Variants in PPP1R13B observed in about 807,000 individuals in gnomAD.
PPP1R13B encodes apoptosis-stimulating of p53 protein 1.
A neutral mutation model predicts 119.8 loss-of-function variants in PPP1R13B; 44 were observed. The observed-to-expected ratio is 0.37, with a 90% CI of 0.29 to 0.47. PPP1R13B has a LOEUF of 0.47. PPP1R13B is among the 20% of genes least tolerant of loss of function. The probability of loss-of-function intolerance (pLI) is 0.99; values close to 1 mark genes in which losing one functional copy is unlikely to be tolerated. For synonymous variants in PPP1R13B, 542 were observed against 561.5 expected (o/e 0.97, Z 0.49); for missense variants, 1,227 against 1,413.5 (o/e 0.87, Z 2.12).
At position 103,821,796 on chromosome 14, in the gene PPP1R13B, G is replaced by C. The variant is rs139496829; in HGVS notation, c.10-24278C>G. Among the ~76,000 whole-genome samples, 863 of 151,886 alleles carry C rather than the reference G, an allele frequency of 5.7e-3. 9 individuals are homozygous for C. Among genetic ancestry groups the C allele is most frequent in the African/African-American group, 0.02 (820 of 41,496 alleles). On this transcript the variant is annotated intron_variant, in intron 1 of 16. Transcript: ENST00000202556. ...ATAAATAAATAAATAAAGAGGAGCTGACCACAAAATAGATCTATAATATGA... is the reference window on the plus strand; with the variant it reads ...ATAAATAAATAAATAAAGAGGAGCTCACCACAAAATAGATCTATAATATGA...
chr14:103,773,774 ATATT>A (rs1244810119), intron 4 of PPP1R13B, among the ~76,000 whole-genome samples: 24 of 152,212 alleles, frequency 1.6e-4, no homozygotes, highest in Non-Finnish European at 3.2e-4. Flanking sequence ...TGAGTGAACA[ATATT>A]TAAGAGGCAG....
intron 1 of PPP1R13B, among the ~76,000 whole-genome samples, chr14:103,807,428 T>C (rs2086042748): frequency 1.3e-5 from 2 of 152,228 alleles, no homozygotes; most frequent in Non-Finnish European, 2.9e-5. Flanking sequence ...TTACCTGCTG[T>C]GTCAGTAGTG....
In PPP1R13B at chr14:103,753,120, A is replaced by G; in HGVS notation, c.708T>C (p.Asp236=). 1 of 1,613,882 alleles carries G rather than the reference A, an allele frequency of 6.2e-7. No homozygotes were observed. The highest frequency in any genetic ancestry group is 8.5e-7 in the Non-Finnish European group (1 of 1,180,040). Reference sequence around the variant, plus strand: ...AATCTTCCAATTGCTGACTAAGCTGATCAACCCTTAAAATTGCAGTCTGTA... The same window carrying G: ...AATCTTCCAATTGCTGACTAAGCTGGTCAACCCTTAAAATTGCAGTCTGTA... ...QEVQTAILRV[D]QLSQQLEDLK... The change falls in exon 7 of 17, where the codon GAT becomes GAC. Residue 236 remains aspartate (D), a synonymous_variant. Transcript: ENST00000202556.
intron 1 of PPP1R13B, among the ~76,000 whole-genome samples, chr14:103,841,281 G>A (rs529218444): frequency 2.4e-4 from 36 of 151,430 alleles, no homozygotes; most frequent in African/African-American, 8.7e-4. Flanking sequence ...GCGAAACTCT[G>A]TCTCAAAAAA....
intron 1 of PPP1R13B, among the ~76,000 whole-genome samples, chr14:103,798,475 A>C (rs957914928): frequency 6.6e-6 from 1 of 151,894 alleles, no homozygotes; most frequent in African/African-American, 2.4e-5. Context: ...AATCCAGAAA[A>C]ACAAGGTAGG....
At chr14:103,841,404 G>GCTGTCATAAAAGATGCTT (rs2086905151) in intron 1 of PPP1R13B, among the ~76,000 whole-genome samples, 1 of 150,694 alleles carries the variant, frequency 6.6e-6, no homozygotes, top group East Asian at 2.0e-4. Flanking sequence ...CCTGGCCAAC[G>GCTGTCATAAAAGATGCTT]CGGTGAAACT....
chr14:103,774,865 T>A (rs867089028), intron 4 of PPP1R13B, among the ~76,000 whole-genome samples: 8 of 152,206 alleles, frequency 5.3e-5, no homozygotes, highest in African/African-American at 1.7e-4. Context: ...AAGGTAGATG[T>A]GTAAGCCATA....
chr14:103,844,727 A>C (rs1159595361), intron 1 of PPP1R13B, among the ~76,000 whole-genome samples: 1 of 152,128 alleles, frequency 6.6e-6, no homozygotes, highest in Non-Finnish European at 1.5e-5. Context: ...CTCTGTCACA[A>C]AAAAAGAAAA....
In PPP1R13B at chr14:103,737,984, T is replaced by C. The variant is rs180876760; in HGVS notation, c.2865-124A>G. On this transcript the variant is annotated intron_variant, in intron 14 of 16. Coordinates refer to ENST00000202556, the MANE Select transcript of PPP1R13B (RefSeq NM_015316.3). The stretch of plus-strand genomic sequence containing the variant: ...TCACCTTTGTGCCATCAAGTCTCAG[T>C]GTTGTTTCTTTAAAGGCAGGATTTC... 79 of 1,156,606 alleles carry C rather than the reference T, an allele frequency of 6.8e-5. No individual in the cohort carries two copies. The African/African-American group carries it at 1.2e-3, about 18-fold the overall frequency. 71.6% of individuals were successfully genotyped at this position (1,156,606 alleles called of 1,614,324 possible). A position where few individuals can be genotyped will look rare whatever the true frequency, so the allele number is the denominator to read the frequency against.
At position 103,784,928 on chromosome 14, in the gene PPP1R13B, CA is replaced by C. The variant is rs1290246017; in HGVS notation, c.158-15del. The C allele has an allele frequency of 2.6e-6, 4 of 1,546,510 alleles. No individual in the cohort carries two copies. Among genetic ancestry groups the C allele is most frequent in the Non-Finnish European group, 1.8e-6 (2 of 1,136,752 alleles). Reference sequence around the variant, plus strand: ...GTATGGGACGTTCTAGGAAAAAGACCACATCTTTTTTACTCCAGAATTAAAA... The same window carrying C: ...GTATGGGACGTTCTAGGAAAAAGACCCATCTTTTTTACTCCAGAATTAAAA... On this transcript the variant is annotated splice_polypyrimidine_tract_variant and intron_variant, in intron 2 of 16. Transcript: ENST00000202556.
rs565277255 is a variant in PPP1R13B, at chr14:103,805,551, A to G, written c.10-8033T>C. ...ATGCCACTGCACTCCAGCTTGAGTG[A>G]CAGAGCGAGATGCTGTCTCAAAAAA... is the stretch of plus-strand genomic sequence containing the variant. On this transcript the variant is annotated intron_variant, in intron 1 of 16. Transcript: ENST00000202556. Among the ~76,000 whole-genome samples the G allele has an allele frequency of 2.6e-5, 4 of 152,138 alleles. No homozygotes were observed. In the East Asian group the frequency reaches 7.7e-4, roughly 29 times the overall value.
At chr14:103,737,994 T>C in intron 14 of PPP1R13B, 134 bp from the exon 15 acceptor site, 1 of 1,078,126 alleles carries the variant, frequency 9.3e-7, no homozygotes, top group Admixed American at 3.0e-5. Flanking sequence ...TGTTGTTTCT[T>C]TAAAGGCAGG....
chr14:103,805,407 C>T (rs916526203), intron 1 of PPP1R13B, among the ~76,000 whole-genome samples: 1 of 151,834 alleles, frequency 6.6e-6, no homozygotes, highest in African/African-American at 2.4e-5. Context: ...CCCGCCTCTA[C>T]AAAAAATTCA....
chr14:103,842,440 CT>C (rs1238622577), intron 1 of PPP1R13B, among the ~76,000 whole-genome samples: 2 of 151,442 alleles, frequency 1.3e-5, no homozygotes, highest in African/African-American at 4.9e-5. Context: ...GTAGCTGGGA[CT>C]ACAGGCACCC....
At chr14:103,832,710 G>A (rs1452964115) in intron 1 of PPP1R13B, among the ~76,000 whole-genome samples, 1 of 152,138 alleles carries the variant, frequency 6.6e-6, no homozygotes, top group Non-Finnish European at 1.5e-5. Context: ...TATAATCCCA[G>A]CATCCCAGCA....
intron 1 of PPP1R13B, among the ~76,000 whole-genome samples, chr14:103,815,838 C>T (rs1023525197): frequency 1.3e-5 from 2 of 151,848 alleles, no homozygotes; most frequent in Non-Finnish European, 2.9e-5. Context: ...AATCCCAGCA[C>T]TTTGGGAGGC....
chr14:103,734,930 G>C lies in PPP1R13B; in HGVS notation c.*224C>G. On this transcript the variant is annotated 3_prime_UTR_variant, in exon 17 of 17. Transcript: ENST00000202556. ...GTATTTATTTGGATTTATAGTAATT[G>C]GCAAAATTCAGTCCTTGGAGGCGAA... 1.5e-6 allele frequency: 1 copy of C among 677,042 alleles called. No homozygotes were observed. Among genetic ancestry groups the C allele is most frequent in the East Asian group, 2.9e-5 (1 of 34,894 alleles). 41.9% of individuals were successfully genotyped at this position (677,042 alleles called of 1,614,324 possible).
intron 1 of PPP1R13B, among the ~76,000 whole-genome samples, chr14:103,835,204 C>T (rs2152081208): frequency 6.6e-6 from 1 of 152,070 alleles, no homozygotes; most frequent in South Asian, 2.1e-4. Flanking sequence ...CTCACTGCAA[C>T]CTCCACCTCC....
intron 5 of PPP1R13B, 136 bp downstream of exon 5, chr14:103,757,510 GAGAA>G (rs2084706152): frequency 1.4e-6 from 1 of 708,946 alleles, no homozygotes; most frequent in South Asian, 1.8e-5. Flanking sequence ...ATAACAAAGA[GAGAA>G]AGACTGCATT....
Sources: allele counts gnomAD v4.1 joint callset (sites outside exome capture counted in the v4.1 genomes callset), GRCh38; gene constraint gnomAD v4.1.1; transcripts MANE v1.5; gene names NCBI Gene and HGNC (gene_info 2026-07-23, HGNC 2026-07-21).